Variants in PPARGC1A observed in about 807,000 individuals in gnomAD.
PPARGC1A encodes the protein PPARG coactivator 1 alpha, also known as peroxisome proliferator-activated receptor gamma coactivator 1-alpha.
PPARGC1A carries 25 observed loss-of-function variants against 88.7 expected under a neutral mutation model. That is an observed-to-expected ratio of 0.28 (90% CI 0.21 to 0.39). The LOEUF (loss-of-function observed/expected upper bound fraction) is 0.39. PPARGC1A is among the 10% of genes least tolerant of loss of function. The pLI, the probability that PPARGC1A is intolerant of heterozygous loss-of-function variation, is 1.00. For synonymous variants in PPARGC1A, 363 were observed against 355.6 expected, an observed-to-expected ratio of 1.02 and a Z score of -0.24; for missense variants, 880 against 968.7, an observed-to-expected ratio of 0.91 and a Z score of 1.22.
the PPARGC1A span, among the ~76,000 whole-genome samples, chr4:23,947,811 T>C: frequency 6.6e-6 from 1 of 152,032 alleles, no homozygotes; most frequent in African/African-American, 2.4e-5. Context: ...AGCTCCATAA[T>C]TGCCAATGTG....
chr4:23,813,710 T>C lies in PPARGC1A; in HGVS notation c.1773A>G (p.Pro591=). Residue 591 remains proline (P), a synonymous_variant, in exon 8 of 13, where the codon CCA becomes CCG. Transcript: ENST00000264867. ...SPYSRSRSRS[P]GSRSSSRSCY... The stretch of plus-strand genomic sequence containing the variant: ...TTTACCTTGAAGAGGATCTACTGCC[T>C]GGAGACCTTGATCTTGACCTGGAAT... 1 of 1,605,058 alleles carries C rather than the reference T, an allele frequency of 6.2e-7. No homozygotes were observed. The highest frequency in any genetic ancestry group is 8.5e-7 in the Non-Finnish European group (1 of 1,174,386).
At chr4:24,288,831 T>C in the PPARGC1A span, among the ~76,000 whole-genome samples, 109,264 of 152,118 alleles carry the variant, frequency 0.72, 40,438 homozygotes, top group African/African-American at 0.89. Flanking sequence ...ATGGATGCCT[T>C]AGAGAGACGA....
chr4:23,803,057 C>A (rs1245137891), intron 10 of PPARGC1A, among the ~76,000 whole-genome samples: 1 of 152,152 alleles, frequency 6.6e-6, no homozygotes. Context: ...ACCTGGCTTA[C>A]AAAACTATTA....
At chr4:24,129,906 C>A in the PPARGC1A span, among the ~76,000 whole-genome samples, 2 of 152,026 alleles carry the variant, frequency 1.3e-5, no homozygotes, top group Non-Finnish European at 2.9e-5. Context: ...GACAAAAAAA[C>A]CAAACACCTC....
At chr4:24,320,778 G>A in the PPARGC1A span, among the ~76,000 whole-genome samples, 5 of 152,142 alleles carry the variant, frequency 3.3e-5, no homozygotes, top group Non-Finnish European at 7.4e-5. Context: ...TTCGATTCAC[G>A]AGAAACATAT....
intron 10 of PPARGC1A, among the ~76,000 whole-genome samples, chr4:23,807,882 A>C (rs1720127578): frequency 6.6e-6 from 1 of 152,126 alleles, no homozygotes; most frequent in African/African-American, 2.4e-5. Context: ...CATAAAACTG[A>C]ATATTTCTAA....
At chr4:23,913,051 C>T in the PPARGC1A span, among the ~76,000 whole-genome samples, 5 of 149,562 alleles carry the variant, frequency 3.3e-5, no homozygotes, top group South Asian at 2.1e-4. Context: ...GTGATCCGCC[C>T]GCCTCAGCCG....
Position 23,812,753 on chromosome 4 carries a change from C to G in PPARGC1A, c.2013G>C (p.Lys671Asn), listed in dbSNP as rs770932720. Residue 671 changes from lysine to asparagine, a missense_variant, in exon 10 of 13, where the codon AAG becomes AAC. By Grantham distance (94) the Lys-to-Asn change is moderately conservative (BLOSUM62 0). Transcript: ENST00000264867. ...RAKQRERQRQ[K>N]AIEERRVIYV... ...TGAGCTCCAGGCCACTTACAATTGC[C>G]TTCTGCCTCTGCCTCTCCCTTTGCT... The G allele has an allele frequency of 1.2e-6, 2 of 1,613,972 alleles. No homozygotes were observed. Among genetic ancestry groups the G allele is most frequent in the African/African-American group, 2.7e-5 (2 of 75,012 alleles).
the PPARGC1A span, among the ~76,000 whole-genome samples, chr4:24,143,783 C>T: frequency 6.6e-6 from 1 of 152,204 alleles, no homozygotes; most frequent in Non-Finnish European, 1.5e-5. Flanking sequence ...GACATGGCCC[C>T]TGTTGTCAGG....
chr4:23,937,879 T>A, the PPARGC1A span, among the ~76,000 whole-genome samples: 1 of 152,168 alleles, frequency 6.6e-6, no homozygotes, highest in Non-Finnish European at 1.5e-5. Flanking sequence ...TTATACGACT[T>A]CTCATTATTT....
chr4:24,158,416 A>T, the PPARGC1A span, among the ~76,000 whole-genome samples: 4 of 152,226 alleles, frequency 2.6e-5, no homozygotes, highest in Admixed American at 6.5e-5. Context: ...CAAGCTCAAC[A>T]TTAAAACAAG....
chr4:24,387,072 T>A, the PPARGC1A span, among the ~76,000 whole-genome samples: 10 of 152,078 alleles, frequency 6.6e-5, no homozygotes, highest in African/African-American at 2.2e-4. Flanking sequence ...AACAGAGGCC[T>A]CAGAAACAAC....
the PPARGC1A span, among the ~76,000 whole-genome samples, chr4:24,373,381 TGTGA>T: frequency 6.6e-6 from 1 of 152,144 alleles, no homozygotes; most frequent in South Asian, 2.1e-4. Context: ...AGCACAAAGC[TGTGA>T]GTAAGACTGC....
intron 10 of PPARGC1A, among the ~76,000 whole-genome samples, chr4:23,811,772 T>C (rs940392385): frequency 6.6e-6 from 1 of 151,880 alleles, no homozygotes; most frequent in African/African-American, 2.4e-5. Flanking sequence ...CAAGTTAATA[T>C]AATACCCCCT....
intron 10 of PPARGC1A, among the ~76,000 whole-genome samples, chr4:23,805,711 G>T (rs552988009): frequency 2.6e-5 from 4 of 152,200 alleles, no homozygotes; most frequent in South Asian, 2.1e-4. Flanking sequence ...ATTTCCTGGC[G>T]CCTGCTTTCA....
the PPARGC1A span, among the ~76,000 whole-genome samples, chr4:23,954,548 G>A: frequency 1.6e-4 from 25 of 151,994 alleles, no homozygotes; most frequent in South Asian, 5.0e-3. Context: ...AATATTCTTG[G>A]TAATCATATA....
intron 2 of PPARGC1A, among the ~76,000 whole-genome samples, chr4:23,844,625 A>C (rs576300294): frequency 4.4e-4 from 29 of 65,426 alleles, no homozygotes; most frequent in African/African-American, 7.9e-4. Flanking sequence ...TATTATATTA[A>C]TATATAATAA....
At chr4:24,218,080 A>G in the PPARGC1A span, among the ~76,000 whole-genome samples, 4 of 152,256 alleles carry the variant, frequency 2.6e-5, no homozygotes, top group Admixed American at 6.5e-5. Flanking sequence ...GGCGCAATTC[A>G]TACAAAGTTA....
chr4:24,319,293 G>A, the PPARGC1A span, among the ~76,000 whole-genome samples: 3 of 152,166 alleles, frequency 2.0e-5, no homozygotes, highest in Non-Finnish European at 4.4e-5. Flanking sequence ...AATGAGCCAT[G>A]GTTATACAAT....
Sources: gnomAD v4.1 joint callset for allele counts (sites outside exome capture counted in the v4.1 genomes callset) on GRCh38, gnomAD v4.1.1 for gene constraint, MANE v1.5 for transcripts, NCBI Gene and HGNC (gene_info 2026-07-23, HGNC 2026-07-21) for gene names.